The following TAFA2 variants were observed in gnomAD, a reference collection of about 807,000 sequenced individuals.
The protein encoded by TAFA2 is chemokine-like protein TAFA-2.
In TAFA2, 7 loss-of-function variants were observed where a neutral mutation model predicts 18.8. The observed-to-expected ratio is 0.37, with a 90% confidence interval of 0.21 to 0.70. The LOEUF (loss-of-function observed/expected upper bound fraction) is 0.70, where lower values mean the gene tolerates loss of function less well. Ranked by LOEUF, TAFA2 falls within the 30% of genes least tolerant of loss-of-function variation. The pLI is 0.53. For synonymous variants in TAFA2, 60 were observed against 54.2 expected, an observed-to-expected ratio of 1.11 and a Z score of -0.47; for missense variants, 122 against 158.1, an observed-to-expected ratio of 0.77 and a Z score of 1.23.
At chr12:61,911,957 T>C in intron 1 of TAFA2, among the ~76,000 whole-genome samples, 1 of 152,186 alleles carries the variant, frequency 6.6e-6, no homozygotes. Flanking sequence ...CTAACAGTTC[T>C]CATCCATCCC....
chr12:61,958,982 G>A (rs1030357950), intron 1 of TAFA2, among the ~76,000 whole-genome samples: 1 of 151,806 alleles, frequency 6.6e-6, no homozygotes, highest in Non-Finnish European at 1.5e-5. Flanking sequence ...AGAATAAATT[G>A]CAGCCGCTAT....
chr12:61,727,352 CT>C (rs34325131), intron 4 of TAFA2, among the ~76,000 whole-genome samples: 43,439 of 147,548 alleles, frequency 0.29, 6,778 homozygotes, highest in South Asian at 0.38. Flanking sequence ...GGTCCTGGAC[CT>C]TTTTTTTTTG....
intron 1 of TAFA2, among the ~76,000 whole-genome samples, chr12:62,230,566 G>C (rs1328891454): frequency 6.6e-6 from 1 of 152,192 alleles, no homozygotes; most frequent in African/African-American, 2.4e-5. Flanking sequence ...ATTGTGGTCA[G>C]AAAAGATATT....
intron 1 of TAFA2, chr12:62,021,533 C>G (rs1162502630): frequency 5.9e-6 from 4 of 681,888 alleles, no homozygotes; most frequent in Non-Finnish European, 1.1e-5. Flanking sequence ...GAACAACATC[C>G]AGACTCCAGA....
chr12:61,793,474 G>T (rs1451271665), intron 2 of TAFA2, among the ~76,000 whole-genome samples: 1 of 151,510 alleles, frequency 6.6e-6, no homozygotes, highest in Non-Finnish European at 1.5e-5. Flanking sequence ...AAAAAGTTGT[G>T]CCAATAATTT....
chr12:62,121,056 G>C (rs1336726505), intron 1 of TAFA2, among the ~76,000 whole-genome samples: 1 of 151,896 alleles, frequency 6.6e-6, no homozygotes, highest in Non-Finnish European at 1.5e-5. Context: ...GTTTCTCCAT[G>C]TTGGTCAGGC....
At chr12:61,781,889 G>A (rs897132375) in intron 2 of TAFA2, among the ~76,000 whole-genome samples, 13 of 151,476 alleles carry the variant, frequency 8.6e-5, no homozygotes, top group South Asian at 4.2e-4. Flanking sequence ...GATGGTTGCC[G>A]GGGGAAAAAG....
intron 2 of TAFA2, among the ~76,000 whole-genome samples, chr12:61,762,773 C>G (rs1165326467): frequency 6.6e-6 from 1 of 151,828 alleles, no homozygotes; most frequent in Non-Finnish European, 1.5e-5. Context: ...TTGGTTTCCT[C>G]TACACTAGAT....
At chr12:62,007,594 C>A (rs1029856460) in intron 1 of TAFA2, among the ~76,000 whole-genome samples, 3 of 152,124 alleles carry the variant, frequency 2.0e-5, no homozygotes, top group African/African-American at 7.2e-5. Context: ...ACTTCCAGGG[C>A]CCCATTCTGT....
chr12:62,074,599 A>T (rs1320426127), intron 1 of TAFA2, among the ~76,000 whole-genome samples: 1 of 152,134 alleles, frequency 6.6e-6, no homozygotes, highest in Non-Finnish European at 1.5e-5. Flanking sequence ...TGAAGCCATG[A>T]TCTTCAACCA....
chr12:61,964,810 C>G (rs1354533446), intron 1 of TAFA2, among the ~76,000 whole-genome samples: 2 of 151,868 alleles, frequency 1.3e-5, no homozygotes, highest in Admixed American at 1.3e-4. Flanking sequence ...CCTTCAGGAC[C>G]CAGTCCAAAA....
intron 1 of TAFA2, among the ~76,000 whole-genome samples, chr12:61,932,948 A>G (rs891977319): frequency 1.3e-5 from 2 of 152,220 alleles, no homozygotes; most frequent in Non-Finnish European, 2.9e-5. Flanking sequence ...TAGCAGGCTT[A>G]TCCAGCTGCT....
chr12:61,792,227 G>A (rs1319219935), intron 2 of TAFA2, among the ~76,000 whole-genome samples: 1 of 151,572 alleles, frequency 6.6e-6, no homozygotes, highest in East Asian at 1.9e-4. Context: ...TAGGGAAAAG[G>A]ATGGGATGTA....
At chr12:62,083,722 T>C (rs1323107144) in intron 1 of TAFA2, among the ~76,000 whole-genome samples, 3 of 152,164 alleles carry the variant, frequency 2.0e-5, no homozygotes, top group African/African-American at 7.2e-5. Flanking sequence ...TTTTTAAATA[T>C]ATTTTTTTTT....
intron 1 of TAFA2, among the ~76,000 whole-genome samples, chr12:61,997,629 C>T (rs927044627): frequency 3.3e-5 from 5 of 152,024 alleles, no homozygotes; most frequent in African/African-American, 1.2e-4. Flanking sequence ...ATGACAAATT[C>T]ACTGTGGGAG....
Position 62,061,146 on chromosome 12 carries a change from T to A in TAFA2, c.-2+130113A>T, listed in dbSNP as rs558772625. 2.6e-5 allele frequency among the ~76,000 whole-genome samples: 4 copies of A among 152,310 alleles called. No individual in the cohort carries two copies. The South Asian group carries it at 8.3e-4, about 32-fold the overall frequency. ...AGCATTTATAAAATCTACAGTGCCA[T>A]ATAATAATGTCCTAAATCTTCACCT... is the stretch of plus-strand genomic sequence containing the variant. On this transcript the variant is annotated intron_variant, in intron 1 of 4. Transcript: ENST00000416284.
chr12:61,863,681 C>T (rs1874222652), intron 2 of TAFA2, among the ~76,000 whole-genome samples: 1 of 152,182 alleles, frequency 6.6e-6, no homozygotes, highest in South Asian at 2.1e-4. Flanking sequence ...GAGTAGACTG[C>T]AGTAGAACGT....
chr12:62,082,508 A>G (rs73315616), intron 1 of TAFA2, among the ~76,000 whole-genome samples: 22,872 of 152,134 alleles, frequency 0.15, 1,966 homozygotes, highest in African/African-American at 0.2. Context: ...TGCAACCAAC[A>G]TTGAGCACTG....
At chr12:62,127,532 A>G (rs1870513413) in intron 1 of TAFA2, among the ~76,000 whole-genome samples, 1 of 152,086 alleles carries the variant, frequency 6.6e-6, no homozygotes, top group Non-Finnish European at 1.5e-5. Flanking sequence ...AATTAATAAA[A>G]GTTTTTACCT....
Sources: gnomAD v4.1 joint callset for allele counts (sites outside exome capture counted in the v4.1 genomes callset) on GRCh38, gnomAD v4.1.1 for gene constraint, MANE v1.5 for transcripts, NCBI Gene and HGNC (gene_info 2026-07-23, HGNC 2026-07-21) for gene names.